OSTN: variants seen among roughly 807,000 people sequenced by gnomAD.
The protein encoded by OSTN is osteocrin.
A neutral mutation model predicts 12.0 loss-of-function variants in OSTN; 9 were observed. The ratio of observed to expected loss-of-function variants is 0.75; its 90% CI spans 0.45 to 1.30. The LOEUF is 1.30. OSTN is among the 50% of genes most tolerant of loss of function. The pLI is 0.00. For missense variants in OSTN, 148 were observed against 152.3 expected (o/e 0.97, Z 0.15); for synonymous variants, 59 against 56.9 (o/e 1.04, Z -0.16).
chr3:191,240,475 G>A (rs1370019525), intron 3 of OSTN, among the ~76,000 whole-genome samples: 1 of 152,074 alleles, frequency 6.6e-6, no homozygotes, highest in Admixed American at 6.6e-5. Context: ...CTTCTCTCAC[G>A]GAATCTCAGA....
chr3:191,211,625 A>T lies in OSTN; in HGVS notation c.1-908A>T, dbSNP rs538537013. Among the ~76,000 whole-genome samples, 6 of 152,174 alleles carry T rather than the reference A, an allele frequency of 3.9e-5. No homozygotes were observed. The South Asian group carries it at 1.2e-3, about 32-fold the overall frequency. On this transcript the variant is annotated intron_variant, in intron 1 of 4. Coordinates refer to ENST00000682035, the MANE Select transcript of OSTN (RefSeq NM_198184.2). Reference sequence around the variant, plus strand: ...TAGATTCATTTTCAACTCCACCAGAATTTTTTTTCCTAAAACCATTCTAAC... The same window carrying T: ...TAGATTCATTTTCAACTCCACCAGATTTTTTTTTCCTAAAACCATTCTAAC...
intron 1 of OSTN, among the ~76,000 whole-genome samples, chr3:191,202,383 T>C (rs1456502763): frequency 6.6e-6 from 1 of 152,234 alleles, no homozygotes; most frequent in Non-Finnish European, 1.5e-5. Flanking sequence ...AGTTTCCACC[T>C]GAACCAGGCT....
At chr3:191,205,896 T>G (rs1714262365) in intron 1 of OSTN, among the ~76,000 whole-genome samples, 1 of 152,106 alleles carries the variant, frequency 6.6e-6, no homozygotes, top group South Asian at 2.1e-4. Context: ...AAAAAAATCC[T>G]AAGTAAGGCC....
At chr3:191,202,793 A>G (rs1375240091) in intron 1 of OSTN, among the ~76,000 whole-genome samples, 1 of 152,202 alleles carries the variant, frequency 6.6e-6, no homozygotes, top group Non-Finnish European at 1.5e-5. Context: ...TTCCCTATGT[A>G]CAGTTTTAAA....
chr3:191,209,677 T>C (rs917905179), intron 1 of OSTN, among the ~76,000 whole-genome samples: 5 of 152,244 alleles, frequency 3.3e-5, no homozygotes, highest in African/African-American at 1.2e-4. Flanking sequence ...ACTGACATAG[T>C]TAATACAAAT....
At chr3:191,218,382 G>A (rs533265828) in intron 2 of OSTN, among the ~76,000 whole-genome samples, 3 of 152,254 alleles carry the variant, frequency 2.0e-5, no homozygotes, top group African/African-American at 4.8e-5. Flanking sequence ...AGCACTTTGG[G>A]AGGCCAAGGT....
At chr3:191,230,766 TCAA>T (rs1715034112) in intron 3 of OSTN, among the ~76,000 whole-genome samples, 1 of 152,222 alleles carries the variant, frequency 6.6e-6, no homozygotes, top group South Asian at 2.1e-4. Flanking sequence ...ATAACGTTAA[TCAA>T]CATCCCTGGA....
chr3:191,215,579 C>CAA, intron 2 of OSTN, among the ~76,000 whole-genome samples: 1 of 152,298 alleles, frequency 6.6e-6, no homozygotes, highest in South Asian at 2.1e-4. Flanking sequence ...AGACATTGGG[C>CAA]AAATAAACCC....
At chr3:191,205,017 GT>G (rs1352819165) in intron 1 of OSTN, among the ~76,000 whole-genome samples, 1 of 151,974 alleles carries the variant, frequency 6.6e-6, no homozygotes, top group Non-Finnish European at 1.5e-5. Context: ...CCGTTGTAAA[GT>G]TTTTAGTTAT....
chr3:191,237,172 GA>G (rs1437706350), intron 3 of OSTN, among the ~76,000 whole-genome samples: 1 of 152,288 alleles, frequency 6.6e-6, no homozygotes, highest in East Asian at 1.9e-4. Flanking sequence ...TGAGGATGTA[GA>G]GGCAAAAGTC....
At chr3:191,201,701 C>T (rs1714156288) in intron 1 of OSTN, among the ~76,000 whole-genome samples, 1 of 152,082 alleles carries the variant, frequency 6.6e-6, no homozygotes, top group Admixed American at 6.6e-5. Context: ...TTTCTTCCCC[C>T]ATTCAATATT....
At chr3:191,249,420 T>G (rs1046162584) in intron 3 of OSTN, among the ~76,000 whole-genome samples, 1 of 152,216 alleles carries the variant, frequency 6.6e-6, no homozygotes, top group African/African-American at 2.4e-5. Flanking sequence ...TAGTACTGTG[T>G]GGACTTTTTA....
At chr3:191,229,227 T>G (rs543427204) in intron 3 of OSTN, among the ~76,000 whole-genome samples, 2 of 152,298 alleles carry the variant, frequency 1.3e-5, no homozygotes, top group South Asian at 4.1e-4. Flanking sequence ...AAGACTAAAG[T>G]AGAGGGATTT....
intron 3 of OSTN, among the ~76,000 whole-genome samples, chr3:191,232,772 A>T (rs1715094323): frequency 6.6e-6 from 1 of 151,668 alleles, no homozygotes; most frequent in Non-Finnish European, 1.5e-5. Flanking sequence ...CTGCCACCAC[A>T]CCTGGCTAAT....
chr3:191,254,990 A>C (rs998122312), intron 4 of OSTN, among the ~76,000 whole-genome samples: 1 of 152,160 alleles, frequency 6.6e-6, no homozygotes, highest in African/African-American at 2.4e-5. Context: ...AGAAAGTGAC[A>C]TTCTTTAGTT....
intron 1 of OSTN, among the ~76,000 whole-genome samples, chr3:191,201,822 G>C (rs1354467050): frequency 6.6e-6 from 1 of 152,092 alleles, no homozygotes; most frequent in East Asian, 1.9e-4. Flanking sequence ...TTAAAAAGTA[G>C]TAAAAACATT....
At chr3:191,249,517 A>G (rs1329754398) in intron 3 of OSTN, among the ~76,000 whole-genome samples, 1 of 152,154 alleles carries the variant, frequency 6.6e-6, no homozygotes, top group Non-Finnish European at 1.5e-5. Flanking sequence ...CATCACATAC[A>G]AAGCTTCTCT....
chr3:191,215,340 G>C (rs1714580354), intron 2 of OSTN, among the ~76,000 whole-genome samples: 1 of 152,066 alleles, frequency 6.6e-6, no homozygotes, highest in African/African-American at 2.4e-5. Flanking sequence ...TTTTTGGTAG[G>C]GTCACAGCCA....
At chr3:191,251,347 C>A (rs1354082831) in intron 4 of OSTN, among the ~76,000 whole-genome samples, 2 of 152,114 alleles carry the variant, frequency 1.3e-5, no homozygotes, top group Non-Finnish European at 2.9e-5. Flanking sequence ...AATATGTTTT[C>A]TTCCAATAGG....
Sources: gnomAD v4.1 joint callset for allele counts (sites outside exome capture counted in the v4.1 genomes callset) on GRCh38, gnomAD v4.1.1 for gene constraint, MANE v1.5 for transcripts, NCBI Gene and HGNC (gene_info 2026-07-23, HGNC 2026-07-21) for gene names.